The following HOOK2 variants were observed in gnomAD, a reference collection of about 807,000 sequenced individuals.
HOOK2 encodes the protein hook microtubule tethering protein 2, also known as protein Hook homolog 2.
In HOOK2, 108 loss-of-function variants were observed where a neutral mutation model predicts 111.9. The observed-to-expected ratio is 0.96, with a 90% CI of 0.83 to 1.13. The LOEUF (loss-of-function observed/expected upper bound fraction) is 1.13. Ranked by LOEUF, HOOK2 falls within the 50% of genes most tolerant of loss-of-function variation. HOOK2 has a pLI of 0.00. For missense variants in HOOK2, 978 were observed against 951.3 expected, an observed-to-expected ratio of 1.03 and a Z score of -0.37; for synonymous variants, 405 against 394.3, an observed-to-expected ratio of 1.03 and a Z score of -0.32.
At chr19:12,782,562 C>G (rs1968614098), upstream of HOOK2, among the ~76,000 whole-genome samples, 1 of 152,286 alleles carries the variant, frequency 6.6e-6, no homozygotes, top group East Asian at 1.9e-4. Flanking sequence ...ACGTGAGACA[C>G]GACGGGGGTC....
At position 12,764,859 on chromosome 19, in the gene HOOK2, C is replaced by A; in HGVS notation, c.1782G>T (p.Arg594=). 1.2e-6 allele frequency: 2 copies of A among 1,614,090 alleles called. No homozygotes were observed. Among genetic ancestry groups the A allele is most frequent in the Non-Finnish European group, 1.7e-6 (2 of 1,180,038 alleles). The stretch of plus-strand genomic sequence containing the variant: ...AGCGGCGGTATCGCTCCTCCATGGC[C>A]CGCAAGTCCGCGTCCTTCTTCTGCA... ...HNLQKKDADL[R]AMEERYRRYV... The change falls in exon 20 of 23, where the codon CGG becomes CGT. Residue 594 remains arginine (R), a synonymous_variant. Coordinates refer to ENST00000397668, the MANE Select transcript of HOOK2 (RefSeq NM_013312.3).
At chr19:12,764,321 ATTTT>A (rs35170607) in intron 20 of HOOK2, 1,410 of 90,918 alleles carry the variant, frequency 0.016, 21 homozygotes, top group African/African-American at 0.072. Flanking sequence ...GCTGTGCGTA[ATTTT>A]TTTTTTTTTT....
upstream of HOOK2, among the ~76,000 whole-genome samples, chr19:12,778,081 C>T (rs984781705): frequency 6.6e-6 from 1 of 152,170 alleles, no homozygotes; most frequent in Non-Finnish European, 1.5e-5. Context: ...TCTGCAACCC[C>T]TCCCCGGTAG....
At chr19:12,781,466 A>T (rs1968600969), upstream of HOOK2, among the ~76,000 whole-genome samples, 1 of 148,760 alleles carries the variant, frequency 6.7e-6, no homozygotes, top group Non-Finnish European at 1.5e-5. Context: ...AGCTGGGACC[A>T]CAGGCGCCCG....
At chr19:12,776,218 G>T (rs73503412), upstream of HOOK2, among the ~76,000 whole-genome samples, 21,482 of 151,512 alleles carry the variant, frequency 0.14, 3,417 homozygotes, top group African/African-American at 0.39. Context: ...AATCGGAGCC[G>T]TTGTGCGGGG....
chr19:12,779,478 C>G (rs1044174236), upstream of HOOK2, among the ~76,000 whole-genome samples: 1 of 152,222 alleles, frequency 6.6e-6, no homozygotes, highest in African/African-American at 2.4e-5. Flanking sequence ...CCAGTCCCCC[C>G]TCCCTGTGTC....
Position 12,763,155 on chromosome 19 carries a change from A to T in HOOK2, c.*127T>A. 2.4e-5 allele frequency: 11 copies of T among 453,446 alleles called. No individual in the cohort carries two copies. The highest frequency in any genetic ancestry group is 3.4e-5 in the Non-Finnish European group (8 of 237,566). 28.1% of individuals were successfully genotyped at this position (453,446 alleles called of 1,614,324 possible). On this transcript the variant is annotated 3_prime_UTR_variant, in exon 23 of 23. Transcript: ENST00000397668. ...CGCCCTCCCTCCCCACCAATCTGGG[A>T]GAGGGAAGAGCAGAGATCATGGCCT...
chr19:12,767,332 G>T, intron 14 of HOOK2, 63 bp downstream of exon 14: 1 of 1,383,354 alleles, frequency 7.2e-7, no homozygotes, highest in Non-Finnish European at 1.0e-6. Flanking sequence ...GGGCGGGAGC[G>T]GGGCTGAGGG....
At position 12,790,526 on chromosome 19, in the gene HOOK2, G is replaced by A. The variant is rs1968702198; in HGVS notation, n.42-16301C>T. 6.6e-6 allele frequency among the ~76,000 whole-genome samples: 1 copy of A among 152,174 alleles called. No homozygotes were observed. The highest frequency in any genetic ancestry group is 2.4e-5 in the African/African-American group (1 of 41,426). ...GATGACTAAGAGGTTACCATCGAGG[G>A]GGAGCAGCAGTCGTGGAAGATCCAG... On this transcript the variant is annotated intron_variant and non_coding_transcript_variant, in intron 3 of 3. Coordinates refer to the HOOK2 transcript ENST00000589765. The surrounding 1 kb of genome is among the most constrained non-coding windows in gnomAD (Gnocchi z 7.2).
chr19:12,763,989 T>C (rs1258543283), intron 20 of HOOK2, among the ~76,000 whole-genome samples: 2 of 152,094 alleles, frequency 1.3e-5, no homozygotes, highest in Non-Finnish European at 2.9e-5. Flanking sequence ...ATTGTGCCCA[T>C]CCAGCCAGTA....
At chr19:12,785,624 A>G (rs867196650) in intron 3 of HOOK2, among the ~76,000 whole-genome samples, 4 of 152,154 alleles carry the variant, frequency 2.6e-5, no homozygotes, top group Non-Finnish European at 4.4e-5. Flanking sequence ...TAAGCCCTAC[A>G]TAGACCTTTG....
chr19:12,785,409 CCA>C (rs1968646415), intron 3 of HOOK2, among the ~76,000 whole-genome samples: 1 of 151,478 alleles, frequency 6.6e-6, no homozygotes, highest in South Asian at 2.1e-4. Flanking sequence ...CACAGACCAG[CCA>C]CAGACCTCTT....
chr19:12,779,750 G>A (rs1380428264), upstream of HOOK2, among the ~76,000 whole-genome samples: 1 of 151,246 alleles, frequency 6.6e-6, no homozygotes, highest in Non-Finnish European at 1.5e-5. Flanking sequence ...AGGCCTTCGA[G>A]TTTGTGCAAC....
Position 12,764,813 on chromosome 19 carries a change from C to T in HOOK2, c.1827+1G>A, listed in dbSNP as rs776031751. 6.2e-7 allele frequency: 1 copy of T among 1,612,354 alleles called. No individual in the cohort carries two copies. Among genetic ancestry groups the T allele is most frequent in the Admixed American group, 1.7e-5 (1 of 59,964 alleles). ...CTTGTGGGAACACCCAGCGTCCTCA[C>T]CATGCGGGCCTTGTCCACGTAGCGG... On this transcript the variant is annotated splice_donor_variant, in intron 20 of 22. Transcript: ENST00000397668. LOFTEE classifies it high-confidence loss of function.
At chr19:12,784,233 C>T (rs1968635305) in intron 3 of HOOK2, among the ~76,000 whole-genome samples, 1 of 152,094 alleles carries the variant, frequency 6.6e-6, no homozygotes, top group African/African-American at 2.4e-5. Context: ...GGGCGGGGGG[C>T]TGTAGGAATG....
At chr19:12,775,364 AGCGG>A in intron 1 of HOOK2, 37 bp downstream of exon 1, 4 of 1,600,772 alleles carry the variant, frequency 2.5e-6, no homozygotes, top group Non-Finnish European at 3.4e-6. Flanking sequence ...GGGCAAGAGG[AGCGG>A]GCGCTCACCT....
At chr19:12,780,458 A>G (rs556319177), upstream of HOOK2, among the ~76,000 whole-genome samples, 125 of 150,720 alleles carry the variant, frequency 8.3e-4, no homozygotes, top group African/African-American at 2.8e-3. Flanking sequence ...CCGGGTTCAC[A>G]CCATTCTCCT....
At chr19:12,767,325 C>T in intron 14 of HOOK2, 70 bp downstream of exon 14, 10 of 1,274,004 alleles carry the variant, frequency 7.8e-6, no homozygotes, top group South Asian at 1.2e-5. Context: ...GATGGGAGGG[C>T]GGGAGCGGGG....
chr19:12,766,080 C>T lies in HOOK2; in HGVS notation c.1511+23G>A, dbSNP rs150895065. On this transcript the variant is annotated intron_variant, in intron 15 of 22. Transcript: ENST00000397668. ...TGGCCCCCTCTGTCCCTGCTCCGCGCAGGTAGGTCCCCAGGCGCTCACCGG... is the reference window on the plus strand; with the variant it reads ...TGGCCCCCTCTGTCCCTGCTCCGCGTAGGTAGGTCCCCAGGCGCTCACCGG... The T allele has an allele frequency of 2.7e-5, 44 of 1,602,846 alleles. No individual in the cohort carries two copies. In the African/African-American group the frequency reaches 4.1e-4, roughly 15 times the overall value.
Sources: allele counts gnomAD v4.1 joint callset (sites outside exome capture counted in the v4.1 genomes callset), GRCh38; gene constraint gnomAD v4.1.1; non-coding constraint Gnocchi (gnomAD v3.1); transcripts MANE v1.5; gene names NCBI Gene and HGNC (gene_info 2026-07-23, HGNC 2026-07-21).